The following PSMA6 variants were observed in gnomAD, a reference collection of about 807,000 sequenced individuals.
The protein encoded by PSMA6 is proteasome subunit alpha type-6.
For missense variants in PSMA6, 170 were observed against 294.8 expected, an observed-to-expected ratio of 0.58 and a Z score of 3.10; for synonymous variants, 88 against 97.7, an observed-to-expected ratio of 0.90 and a Z score of 0.59.
chr14:35,286,693 A>G (rs1208977022), intron 1 of PSMA6, among the ~76,000 whole-genome samples: 1 of 152,176 alleles, frequency 6.6e-6, no homozygotes, highest in Non-Finnish European at 1.5e-5. Flanking sequence ...TCCCTCTCAA[A>G]CCAAAGGACA....
intron 1 of PSMA6, among the ~76,000 whole-genome samples, chr14:35,304,156 A>G (rs1057142149): frequency 6.6e-6 from 1 of 152,076 alleles, no homozygotes; most frequent in Non-Finnish European, 1.5e-5. Context: ...TATTTTTAAT[A>G]GAGATGCGGT....
exon 1 of PSMA6, chr14:35,278,638 C>A: frequency 6.5e-7 from 1 of 1,528,760 alleles, no homozygotes; most frequent in Non-Finnish European, 8.8e-7. Flanking sequence ...AGGGTAGTGT[C>A]CTAGGCTGGG....
At chr14:35,292,622 A>G in intron 1 of PSMA6, 70 bp downstream of exon 1, 1 of 1,575,560 alleles carries the variant, frequency 6.3e-7, no homozygotes, top group Non-Finnish European at 8.6e-7. Flanking sequence ...GAGCGAGCAG[A>G]CGCGGCCCGG....
intron 3 of PSMA6, chr14:35,310,419 G>C: frequency 8.5e-6 from 3 of 354,052 alleles, no homozygotes; most frequent in South Asian, 6.7e-5. Context: ...GCCTCCCAAA[G>C]TGTTGAGCCA....
chr14:35,289,911 A>G (rs1389974639), upstream of PSMA6, among the ~76,000 whole-genome samples: 3 of 85,926 alleles, frequency 3.5e-5, no homozygotes, highest in Non-Finnish European at 6.5e-5. Context: ...GCAATACCGC[A>G]TTTCAAAAAA....
At chr14:35,304,810 G>T (rs2051792743) in intron 1 of PSMA6, among the ~76,000 whole-genome samples, 1 of 152,076 alleles carries the variant, frequency 6.6e-6, no homozygotes, top group Admixed American at 6.6e-5. Flanking sequence ...TGGGGGTTAT[G>T]GCTCATACCT....
chr14:35,279,134 G>A (rs1013859595), intron 1 of PSMA6, among the ~76,000 whole-genome samples: 4 of 152,012 alleles, frequency 2.6e-5, no homozygotes, highest in African/African-American at 4.8e-5. Context: ...TGCAACCTCC[G>A]CCTCCCTGGT....
intron 1 of PSMA6, among the ~76,000 whole-genome samples, chr14:35,286,552 A>G (rs1470691066): frequency 6.6e-6 from 1 of 152,206 alleles, no homozygotes; most frequent in African/African-American, 2.4e-5. Context: ...AAAAGCCGTA[A>G]GAGGATAATA....
At chr14:35,291,522 C>T (rs2051480069), upstream of PSMA6, among the ~76,000 whole-genome samples, 1 of 151,786 alleles carries the variant, frequency 6.6e-6, no homozygotes, top group African/African-American at 2.4e-5. Flanking sequence ...GCCCGGCCTC[C>T]GCTTTCAAGA....
At chr14:35,279,584 G>A (rs2051343501) in intron 1 of PSMA6, among the ~76,000 whole-genome samples, 1 of 152,218 alleles carries the variant, frequency 6.6e-6, no homozygotes, top group South Asian at 2.1e-4. Context: ...GGCAGGAGTG[G>A]TCAAATCCTT....
chr14:35,280,522 C>A (rs984249100), intron 1 of PSMA6, among the ~76,000 whole-genome samples: 6 of 151,838 alleles, frequency 4.0e-5, no homozygotes, highest in Non-Finnish European at 5.9e-5. Flanking sequence ...GCTGGGATTA[C>A]AGGCACGTGC....
Position 35,292,640 on chromosome 14 carries a change from C to T in PSMA6, c.76+88C>T, listed in dbSNP as rs549572251. The stretch of plus-strand genomic sequence containing the variant: ...CGAGCAGACGCGGCCCGGGTTTAGT[C>T]TGGGGCCGAAGCTGGGCTGGAGCTG... On this transcript the variant is annotated intron_variant, in intron 1 of 6. Transcript: ENST00000261479. 1,172 of 1,558,380 alleles carry T rather than the reference C, an allele frequency of 7.5e-4. 1 individual carries two copies. Among genetic ancestry groups the T allele is most frequent in the Non-Finnish European group, 9.6e-4 (1,106 of 1,152,014 alleles).
rs1003618741 is a variant in PSMA6 at position 35,283,866 on chromosome 14, C to A, written c.19+5148C>A. 3.3e-5 allele frequency among the ~76,000 whole-genome samples: 5 copies of A among 152,278 alleles called. No homozygotes were observed. In the East Asian group the frequency reaches 9.7e-4, roughly 29 times the overall value. On this transcript the variant is annotated intron_variant, in intron 1 of 6. Transcript: ENST00000540871. ...TATAGATAGGCATGAGCCACCATGT[C>A]CAGCCTTTACAAATTTTTTGCAGAT...
chr14:35,300,065 T>G (rs2051681459), intron 1 of PSMA6, among the ~76,000 whole-genome samples: 2 of 152,158 alleles, frequency 1.3e-5, no homozygotes, highest in Non-Finnish European at 2.9e-5. Context: ...TGAAGGGGCT[T>G]GAGTACCATG....
intron 4 of PSMA6, among the ~76,000 whole-genome samples, chr14:35,311,543 A>T (rs913441547): frequency 2.6e-5 from 4 of 152,164 alleles, no homozygotes; most frequent in South Asian, 4.1e-4. Context: ...ATCTTGCAAG[A>T]CCTTGAAGGA....
chr14:35,295,848 C>T (rs1256926692), intron 1 of PSMA6, among the ~76,000 whole-genome samples: 1 of 152,170 alleles, frequency 6.6e-6, no homozygotes, highest in Non-Finnish European at 1.5e-5. Context: ...AATCTATTTT[C>T]AGGAATTGCC....
chr14:35,301,264 G>A (rs991067488), intron 1 of PSMA6, among the ~76,000 whole-genome samples: 1 of 152,138 alleles, frequency 6.6e-6, no homozygotes, highest in Admixed American at 6.6e-5. Context: ...CAGCACTTTG[G>A]GAGGCCGAGG....
intron 1 of PSMA6, chr14:35,278,737 C>G (rs1046988328): frequency 8.5e-6 from 13 of 1,533,626 alleles, no homozygotes; most frequent in Non-Finnish European, 1.0e-5. Flanking sequence ...CTCACTCAGA[C>G]TTGTTGCTTG....
chr14:35,296,824 A>G (rs8018707), intron 1 of PSMA6, among the ~76,000 whole-genome samples: 8,729 of 152,252 alleles, frequency 0.057, 413 homozygotes, highest in African/African-American at 0.13. Flanking sequence ...TTGAAATTCA[A>G]TGCATGTGTG....
Sources: gnomAD v4.1 joint callset for allele counts (sites outside exome capture counted in the v4.1 genomes callset) on GRCh38, gnomAD v4.1.1 for gene constraint, MANE v1.5 for transcripts, NCBI Gene and HGNC (gene_info 2026-07-23, HGNC 2026-07-21) for gene names.